Variants in NKAIN2 observed in about 807,000 individuals in gnomAD.
The protein encoded by NKAIN2 is sodium/potassium-transporting ATPase subunit beta-1-interacting protein 2.
NKAIN2 carries 14 observed loss-of-function variants against 32.6 expected under a neutral mutation model. The observed-to-expected ratio is 0.43, with a 90% confidence interval of 0.28 to 0.67. The LOEUF (loss-of-function observed/expected upper bound fraction) is 0.67, where lower values mean the gene tolerates loss of function less well. Among genes scored for constraint, NKAIN2 ranks in the 30% least tolerant of loss-of-function variants. The pLI is 0.17. For missense variants in NKAIN2, 198 were observed against 258.3 expected (o/e 0.77, Z 1.60); for synonymous variants, 80 against 87.2 (o/e 0.92, Z 0.46).
chr6:124,503,154 G>T (rs530265), intron 3 of NKAIN2, among the ~76,000 whole-genome samples: 149,625 of 152,232 alleles, frequency 0.98, 73,563 homozygotes, highest in East Asian at 1. Context: ...CAAGATAGTT[G>T]GTATTGTTAC....
chr6:124,415,138 C>T (rs1457229205), intron 3 of NKAIN2, among the ~76,000 whole-genome samples: 1 of 152,202 alleles, frequency 6.6e-6, no homozygotes, highest in Non-Finnish European at 1.5e-5. Context: ...AATCCAGACA[C>T]TATCCACCTG....
At chr6:124,302,097 G>T (rs1216047361) in intron 2 of NKAIN2, among the ~76,000 whole-genome samples, 1 of 152,200 alleles carries the variant, frequency 6.6e-6, no homozygotes, top group Admixed American at 6.5e-5. Context: ...CCCCCATACT[G>T]TTCTGGTGGT....
chr6:124,698,278 A>C (rs1319880762), intron 4 of NKAIN2, among the ~76,000 whole-genome samples: 1 of 152,094 alleles, frequency 6.6e-6, no homozygotes, highest in Non-Finnish European at 1.5e-5. Flanking sequence ...TAAAATATCT[A>C]AGCTACTGTG....
chr6:124,705,843 T>C (rs922045983), intron 4 of NKAIN2, among the ~76,000 whole-genome samples: 4 of 152,030 alleles, frequency 2.6e-5, no homozygotes, highest in African/African-American at 7.2e-5. Flanking sequence ...ATTAAGCATA[T>C]GTTATTTTAA....
chr6:124,090,633 C>T (rs900814540), intron 1 of NKAIN2, among the ~76,000 whole-genome samples: 2 of 152,124 alleles, frequency 1.3e-5, no homozygotes, highest in South Asian at 2.1e-4. Flanking sequence ...CTTAACTTCT[C>T]TGAGCCAGGA....
chr6:124,233,347 G>A (rs764965624), intron 1 of NKAIN2, among the ~76,000 whole-genome samples: 6 of 152,060 alleles, frequency 3.9e-5, no homozygotes, highest in Admixed American at 1.3e-4. Flanking sequence ...ATTGGCTGTC[G>A]CCATTGCTTG....
At chr6:124,406,140 T>C (rs907658383) in intron 3 of NKAIN2, among the ~76,000 whole-genome samples, 6 of 152,120 alleles carry the variant, frequency 3.9e-5, no homozygotes, top group Non-Finnish European at 8.8e-5. Flanking sequence ...CATATGTATA[T>C]ACTTAAGAAA....
At chr6:124,373,326 G>A (rs1043555396) in intron 3 of NKAIN2, among the ~76,000 whole-genome samples, 1 of 152,036 alleles carries the variant, frequency 6.6e-6, no homozygotes, top group Non-Finnish European at 1.5e-5. Context: ...AGAAAGACAG[G>A]GAGCAGGTTT....
chr6:123,983,086 G>A (rs1778975015), intron 1 of NKAIN2, among the ~76,000 whole-genome samples: 1 of 151,774 alleles, frequency 6.6e-6, no homozygotes, highest in Non-Finnish European at 1.5e-5. Context: ...ATGCCAGAAG[G>A]TCTAGCTTGG....
intron 4 of NKAIN2, among the ~76,000 whole-genome samples, chr6:124,710,971 G>T (rs190494610): frequency 0.015 from 2,307 of 149,784 alleles, 33 homozygotes; most frequent in Middle Eastern, 0.025. Context: ...GCTGGTACGG[G>T]TTGTTCCTTT....
intron 1 of NKAIN2, among the ~76,000 whole-genome samples, chr6:124,163,617 T>A (rs1788386639): frequency 6.6e-6 from 1 of 152,078 alleles, no homozygotes; most frequent in African/African-American, 2.4e-5. Context: ...GTCCGCATTC[T>A]TACTTAATCG....
intron 1 of NKAIN2, among the ~76,000 whole-genome samples, chr6:123,965,312 C>A (rs1358263455): frequency 6.6e-6 from 1 of 152,010 alleles, no homozygotes; most frequent in Non-Finnish European, 1.5e-5. Context: ...GTAATATATG[C>A]CTTTTAATTT....
At chr6:124,175,695 CT>C (rs1270874144) in intron 1 of NKAIN2, among the ~76,000 whole-genome samples, 3 of 152,164 alleles carry the variant, frequency 2.0e-5, no homozygotes, top group Non-Finnish European at 4.4e-5. Context: ...TCTTCCCCTT[CT>C]GTTTACAGGA....
Position 124,468,447 on chromosome 6 carries a change from G to T in NKAIN2, c.273+113100G>T, listed in dbSNP as rs76159132. On this transcript the variant is annotated intron_variant, in intron 3 of 6. Transcript: ENST00000368417. ...AAGATTTCAAGGCAGAGTTTATAGGGTTTTGTTCCACAGGTACAGTTCTCT... is the reference window on the plus strand; with the variant it reads ...AAGATTTCAAGGCAGAGTTTATAGGTTTTTGTTCCACAGGTACAGTTCTCT... Among the ~76,000 whole-genome samples the T allele has an allele frequency of 3.3e-3, 496 of 152,166 alleles. 24 individuals carry two copies. The East Asian group carries it at 0.085, about 26-fold the overall frequency.
intron 3 of NKAIN2, among the ~76,000 whole-genome samples, chr6:124,457,240 G>A (rs955130563): frequency 3.9e-5 from 6 of 151,952 alleles, no homozygotes; most frequent in African/African-American, 1.4e-4. Context: ...TCCTTCCTGA[G>A]AAGCTGAGAA....
intron 1 of NKAIN2, among the ~76,000 whole-genome samples, chr6:124,100,352 A>G (rs1465520128): frequency 1.3e-5 from 2 of 152,236 alleles, no homozygotes; most frequent in African/African-American, 2.4e-5. Context: ...AATTGGTTTT[A>G]TCATGTCTGA....
intron 1 of NKAIN2, among the ~76,000 whole-genome samples, chr6:124,280,190 G>T (rs551019395): frequency 6.6e-6 from 1 of 152,112 alleles, no homozygotes; most frequent in South Asian, 2.1e-4. Flanking sequence ...AGGTCCCCAT[G>T]GGCAAAATCA....
chr6:124,226,103 G>C (rs1209832947), intron 1 of NKAIN2, among the ~76,000 whole-genome samples: 1 of 152,054 alleles, frequency 6.6e-6, no homozygotes, highest in Admixed American at 6.6e-5. Flanking sequence ...GTCAATTGCA[G>C]TGGATGTAGA....
chr6:124,469,704 C>T (rs957653260), intron 3 of NKAIN2, among the ~76,000 whole-genome samples: 1 of 152,136 alleles, frequency 6.6e-6, no homozygotes, highest in Admixed American at 6.6e-5. Context: ...TCTTATAGAT[C>T]TCATATATTG....
Sources: allele counts gnomAD v4.1 joint callset (sites outside exome capture counted in the v4.1 genomes callset), GRCh38; gene constraint gnomAD v4.1.1; transcripts MANE v1.5; gene names NCBI Gene and HGNC (gene_info 2026-07-23, HGNC 2026-07-21).